PCF11: variants seen among roughly 807,000 people sequenced by gnomAD.
PCF11 encodes the protein pre-mRNA cleavage complex 2 protein Pcf11.
Under a neutral mutation model 166.1 loss-of-function variants are expected in PCF11, and 19 were observed. The ratio of observed to expected loss-of-function variants is 0.11; its 90% CI spans 0.08 to 0.17. The LOEUF is 0.17. PCF11 is among the 10% of genes least tolerant of loss of function. PCF11 has a pLI of 1.00. For synonymous variants in PCF11, 663 were observed against 644.1 expected (o/e 1.03, Z -0.44); for missense variants, 1,565 against 1,855.5 (o/e 0.84, Z 2.88).
At chr11:83,184,529 A>G (rs1224277846) in intron 15 of PCF11, 150 bp from the exon 16 acceptor site, 1 of 624,122 alleles carries the variant, frequency 1.6e-6, no homozygotes, top group Non-Finnish European at 2.8e-6. Context: ...GGTTGTCTTT[A>G]TGGCACATTT....
chr11:83,176,221 C>A (rs1860873977), intron 9 of PCF11, among the ~76,000 whole-genome samples: 1 of 152,072 alleles, frequency 6.6e-6, no homozygotes, highest in Admixed American at 6.5e-5. Flanking sequence ...CATAAAGGGT[C>A]ATTATTTTCA....
exon 8 of PCF11, chr11:83,168,803 G>T (rs777026599): frequency 6.2e-7 from 1 of 1,613,790 alleles, no homozygotes; most frequent in Non-Finnish European, 8.5e-7. Context: ...AGATTTGAAG[G>T]TCCTCCAGGA....
At chr11:83,165,843 G>A (rs1371769857) in exon 5 of PCF11, 1 of 1,608,280 alleles carries the variant, frequency 6.2e-7, no homozygotes, top group East Asian at 2.2e-5. Flanking sequence ...TCACAGGAAA[G>A]AATTTCTAAT....
exon 4 of PCF11, chr11:83,164,207 C>T (rs1456751831): frequency 3.7e-6 from 6 of 1,602,946 alleles, no homozygotes; most frequent in Non-Finnish European, 5.1e-6. Flanking sequence ...TTTCTTATAG[C>T]CCGAGGAGCC....
At chr11:83,182,919 C>T (rs1161900668) in intron 14 of PCF11, 119 bp from the exon 15 acceptor site, 12 of 705,172 alleles carry the variant, frequency 1.7e-5, no homozygotes, top group Non-Finnish European at 9.7e-6. Flanking sequence ...CATTTTGGGA[C>T]CAAATAATTT....
At chr11:83,161,386 T>C in exon 2 of PCF11, 2 of 1,604,880 alleles carry the variant, frequency 1.2e-6, no homozygotes, top group Admixed American at 1.7e-5. Flanking sequence ...TGAAAAACGT[T>C]GGAAGAGAGT....
rs1449729669 is a variant in PCF11 at position 83,181,789 on chromosome 11, T to G, written c.4168-65T>G. The G allele has an allele frequency of 1.1e-5, 13 of 1,156,498 alleles. No individual in the cohort carries two copies. The Admixed American group carries it at 2.1e-4, about 18-fold the overall frequency. The allele number at this position is 1,156,498 out of a possible 1,614,324, so 71.6% of individuals were successfully genotyped here. A position where few individuals can be genotyped will look rare whatever the true frequency, so the allele number is the denominator to read the frequency against. On this transcript the variant is annotated intron_variant, in intron 12 of 15. Coordinates refer to ENST00000298281, the Ensembl canonical transcript of PCF11. ...CCCCTACCTTTAAATGGCATTATAT[T>G]GAAGATACACAGTAAAAATTTAGAA...
At chr11:83,184,795 T>C (rs377460014) in exon 16 of PCF11, 2 of 1,609,200 alleles carry the variant, frequency 1.2e-6, no homozygotes, top group Non-Finnish European at 1.7e-6. Flanking sequence ...GTCCCAAAGT[T>C]AAGGAAGAAC....
chr11:83,175,138 T>G (rs1860830360), intron 9 of PCF11, among the ~76,000 whole-genome samples: 1 of 152,102 alleles, frequency 6.6e-6, no homozygotes, highest in Non-Finnish European at 1.5e-5. Context: ...TAAAATATTG[T>G]TTTCTTTTTT....
exon 5 of PCF11, chr11:83,165,857 C>G: frequency 6.2e-7 from 1 of 1,606,066 alleles, no homozygotes; most frequent in Non-Finnish European, 8.5e-7. Flanking sequence ...TTCTAATGAA[C>G]ACATTAAACC....
Position 83,168,676 on chromosome 11 carries a change from G to C in PCF11, c.2341G>C (p.Asp781His). 6.2e-7 allele frequency: 1 copy of C among 1,613,960 alleles called. No individual in the cohort carries two copies. Among genetic ancestry groups the C allele is most frequent in the East Asian group, 2.2e-5 (1 of 44,872 alleles). Residue 781 changes from aspartate (D) to histidine (H), a missense_variant, in exon 8 of 16, where the codon GAT (aspartate) becomes CAT (histidine). Transcript: ENST00000298281. The stretch of plus-strand genomic sequence containing the variant: ...ACCCAATAAATTAAGCCCTCGAATT[G>C]ATGGACCTCCCACACCAGCTTCTCT...
At chr11:83,174,781 G>T (rs1366741506) in intron 9 of PCF11, among the ~76,000 whole-genome samples, 1 of 152,174 alleles carries the variant, frequency 6.6e-6, no homozygotes, top group Non-Finnish European at 1.5e-5. Flanking sequence ...TATGCTGTTG[G>T]TTACTAGACT....
At chr11:83,179,968 A>G (rs1861030456) in intron 11 of PCF11, among the ~76,000 whole-genome samples, 1 of 152,026 alleles carries the variant, frequency 6.6e-6, no homozygotes, top group Non-Finnish European at 1.5e-5. Context: ...GTAGTGTCCT[A>G]CTAACTCCCC....
At chr11:83,163,705 A>G (rs1167115621) in exon 3 of PCF11, 6 of 1,562,250 alleles carry the variant, frequency 3.8e-6, no homozygotes, top group Non-Finnish European at 4.3e-6. Flanking sequence ...GGAAAAGTTT[A>G]TTTAAGTTAC....
At chr11:83,171,380 T>TC (rs1169466400) in intron 8 of PCF11, 1 of 427,358 alleles carries the variant, frequency 2.3e-6, no homozygotes, top group Non-Finnish European at 4.6e-6. Flanking sequence ...TCAGTTTTGC[T>TC]CCTAACTAGC....
At position 83,157,137 on chromosome 11, in the gene PCF11, C is replaced by T; in HGVS notation, c.-303C>T. 1.8e-6 allele frequency: 1 copy of T among 552,106 alleles called. No individual in the cohort carries two copies. 34.2% of individuals were successfully genotyped at this position (552,106 alleles called of 1,614,324 possible). On this transcript the variant is annotated 5_prime_UTR_variant, in exon 1 of 16. In the 5' UTR this introduces an upstream ATG that the reference lacks. Coordinates refer to ENST00000298281, the Ensembl canonical transcript of PCF11. ...CCCTCCCCTAGTTCATTTCGCACGA[C>T]GCAGCGGTTGGGAACACAGACATTT...
exon 8 of PCF11, chr11:83,169,400 G>A (rs1860596567): frequency 1.9e-6 from 3 of 1,613,788 alleles, no homozygotes; most frequent in South Asian, 1.1e-5. Flanking sequence ...AGAATTGAAG[G>A]GCCTCTGGGT....
chr11:83,169,855 G>A lies in PCF11; in HGVS notation c.3520G>A (p.Gly1174Arg), dbSNP rs555753019. The A allele has an allele frequency of 4.3e-6, 7 of 1,613,488 alleles. No homozygotes were observed. In the East Asian group the frequency reaches 6.7e-5, roughly 15 times the overall value. Residue 1174 changes from glycine to arginine, a missense_variant, in exon 8 of 16, where the codon GGA becomes AGA. Transcript: ENST00000298281. Reference sequence around the variant, plus strand: ...AAATTTTAATGGACCACATGGCCCTGGAAACCAGAGTTTCTCTAATCCACT... The same window carrying A: ...AAATTTTAATGGACCACATGGCCCTAGAAACCAGAGTTTCTCTAATCCACT...
At chr11:83,168,844 C>A in exon 8 of PCF11, 1 of 1,613,540 alleles carries the variant, frequency 6.2e-7, no homozygotes, top group Non-Finnish European at 8.5e-7. Context: ...GTTTGAGGGC[C>A]CAATTGGTCA....
Sources: allele counts gnomAD v4.1 joint callset (sites outside exome capture counted in the v4.1 genomes callset), GRCh38; gene constraint gnomAD v4.1.1; transcripts MANE v1.5; gene names NCBI Gene and HGNC (gene_info 2026-07-23, HGNC 2026-07-21).